The following CGN variants were observed in gnomAD, a reference collection of about 807,000 sequenced individuals.
CGN encodes cingulin.
Under a neutral mutation model 157.1 loss-of-function variants are expected in CGN, and 121 were observed. The ratio of observed to expected loss-of-function variants is 0.77; its 90% CI spans 0.66 to 0.90. The LOEUF (loss-of-function observed/expected upper bound fraction) is 0.90, where lower values mean the gene tolerates loss of function less well. CGN is among the 40% of genes least tolerant of loss of function. CGN has a pLI of 0.00. For synonymous variants in CGN, 535 were observed against 607.5 expected, an observed-to-expected ratio of 0.88 and a Z score of 1.76; for missense variants, 1,424 against 1,520.9, an observed-to-expected ratio of 0.94 and a Z score of 1.06.
Position 151,524,318 on chromosome 1 carries a change from A to G in CGN, c.1361A>G (p.His454Arg). The G allele has an allele frequency of 3.7e-6, 6 of 1,614,140 alleles. No individual in the cohort carries two copies. Among genetic ancestry groups the G allele is most frequent in the South Asian group, 1.1e-5 (1 of 91,080 alleles). ...QVMELQNKLKHVQGPEPAKEV... is the reference protein window; with the variant it reads ...QVMELQNKLKRVQGPEPAKEV... ...ATGGAGCTGCAGAACAAGCTGAAAC[A>G]TGTCCAGGGTCCTGAGCCTGCTAAG... Residue 454 changes from histidine (H) to arginine (R), a missense_variant, in exon 7 of 21, where the codon CAT (histidine) becomes CGT (arginine). Physicochemically the swap from His to Arg is conservative, Grantham distance 29. This residue lies in a region of CGN where 1,187 missense variants were observed against 1,217.6 expected (regional missense o/e 0.97). Coordinates refer to ENST00000271636, the MANE Select transcript of CGN (RefSeq NM_020770.3). The surrounding 1 kb of genome is among the most constrained non-coding windows in gnomAD (Gnocchi z 4.4).
intron 15 of CGN, 110 bp from the exon 16 acceptor site, chr1:151,534,932 T>C: frequency 4.0e-6 from 3 of 743,458 alleles, no homozygotes; most frequent in Non-Finnish European, 7.0e-6. Flanking sequence ...GTTACTGGGA[T>C]GTGCAAGAGA....
intron 1 of CGN, among the ~76,000 whole-genome samples, chr1:151,514,605 A>T (rs560799706): frequency 1.1e-3 from 172 of 152,242 alleles, no homozygotes; most frequent in African/African-American, 3.9e-3. Context: ...CTGGGGACAC[A>T]GTGGTTAGCT....
At chr1:151,528,553 A>G (rs886467481) in intron 10 of CGN, among the ~76,000 whole-genome samples, 2 of 151,752 alleles carry the variant, frequency 1.3e-5, no homozygotes, top group Non-Finnish European at 2.9e-5. Flanking sequence ...AGCAGCTGGG[A>G]TTACAGGCAC....
intron 18 of CGN, 75 bp from the exon 19 acceptor site, chr1:151,536,162 G>T: frequency 1.1e-6 from 1 of 944,406 alleles, no homozygotes; most frequent in South Asian, 1.3e-5. Flanking sequence ...AGGAGTCCTT[G>T]GGGACAGTAG....
rs578187038 is a variant in CGN, at chr1:151,535,370, T to C, written c.2995-230T>C. 2.6e-5 allele frequency among the ~76,000 whole-genome samples: 4 copies of C among 152,246 alleles called. No individual in the cohort carries two copies. The South Asian group carries it at 8.3e-4, about 32-fold the overall frequency. On this transcript the variant is annotated intron_variant, in intron 16 of 20. Coordinates refer to ENST00000271636, the MANE Select transcript of CGN (RefSeq NM_020770.3). ...GGCCTGGGCTGTTCTCTGACCTGAA[T>C]TGGGGCTTCTTTGGTTTACAAGGGA...
At position 151,537,308 on chromosome 1, in the gene CGN, C is replaced by G. The variant is rs1197788148; in HGVS notation, c.3574C>G (p.Leu1192Val). 3.1e-6 allele frequency: 5 copies of G among 1,614,122 alleles called. No individual in the cohort carries two copies. The East Asian group carries it at 1.1e-4, about 36-fold the overall frequency. ...CTACGATCCCTCGTCCATTGCATCA[C>G]TGCTTACGGAGAGCAACCTACAGAC... ...SVYDPSSIAS[L>V]LTESNLQTSS... Residue 1192 changes from leucine (L) to valine (V), a missense_variant, in exon 21 of 21, where the codon CTG becomes GTG. Leu to Val is a conservative substitution (Grantham distance 32, BLOSUM62 1). This residue lies in a region of CGN where 38 missense variants were observed against 31.1 expected (regional missense o/e 1.22). Coordinates refer to ENST00000271636, the MANE Select transcript of CGN (RefSeq NM_020770.3).
At chr1:151,513,844 G>C (rs72997938) in intron 1 of CGN, among the ~76,000 whole-genome samples, 93 of 152,330 alleles carry the variant, frequency 6.1e-4, no homozygotes, top group African/African-American at 2.2e-3. Flanking sequence ...AGATGCACCT[G>C]AATCAACTTG....
intron 10 of CGN, 43 bp from the exon 11 acceptor site, chr1:151,529,307 G>A (rs1664772360): frequency 1.3e-6 from 2 of 1,545,624 alleles, no homozygotes; most frequent in East Asian, 2.3e-5. Flanking sequence ...AGGTATCTTA[G>A]TCTGGCTCTG....
Position 151,520,669 on chromosome 1 carries a change from G to T in CGN, c.1118G>T (p.Arg373Leu), listed in dbSNP as rs149813081. ...ELTRKVEELQ[R>L]KLDEEVKKRQ... ...ACCCGAAAAGTGGAGGAGCTACAGC[G>T]AAAGCTGGATGAAGAGGTGAAGGTA... The change falls in exon 5 of 21, where the codon CGA (arginine) becomes CTA (leucine). Residue 373 changes from arginine to leucine, a missense_variant. Physicochemically the swap from Arg to Leu is moderately radical, Grantham distance 102. Transcript: ENST00000271636. 3 of 1,613,862 alleles carry T rather than the reference G, an allele frequency of 1.9e-6. No individual in the cohort carries two copies. The highest frequency in any genetic ancestry group is 1.7e-5 in the Admixed American group (1 of 59,956).
At chr1:151,517,404 C>G (rs1278548967) in intron 1 of CGN, among the ~76,000 whole-genome samples, 1 of 151,946 alleles carries the variant, frequency 6.6e-6, no homozygotes, top group Non-Finnish European at 1.5e-5. Context: ...TAAATGAGCT[C>G]TGGGAGAGAA....
In CGN at chr1:151,532,919, C is replaced by T. The variant is rs116986224; in HGVS notation, c.2742+347C>T. On this transcript the variant is annotated intron_variant, in intron 14 of 20. Transcript: ENST00000271636. ...CAGGCATGAGCCACTGCGCCCAGCC[C>T]GGTCCTTGCCTCTTAACTGAACCTG... Among the ~76,000 whole-genome samples, 52 of 152,116 alleles carry T rather than the reference C, an allele frequency of 3.4e-4. 1 individual carries two copies. The East Asian group carries it at 8.5e-3, about 25-fold the overall frequency.
intron 9 of CGN, among the ~76,000 whole-genome samples, chr1:151,526,455 G>A (rs183191570): frequency 1.6e-3 from 248 of 151,246 alleles, no homozygotes; most frequent in Non-Finnish European, 3.1e-3. Flanking sequence ...GATTACAGGC[G>A]TGAGCCACTG....
Position 151,527,018 on chromosome 1 carries a change from C to T in CGN, c.1807C>T (p.Leu603Phe). ...RMEKEEMEEE[L>F]GEKIEVLQRE... is the part of the protein sequence containing the mutation. ...GGAGAAGGAGGAGATGGAAGAGGAG[C>T]TTGGAGAGAAGATAGAGGTCTTGCA... The change falls in exon 10 of 21, where the codon CTT (leucine) becomes TTT (phenylalanine). Residue 603 changes from leucine to phenylalanine, a missense_variant. By Grantham distance (22) the Leu-to-Phe change is conservative (BLOSUM62 0). Transcript: ENST00000271636. The T allele has an allele frequency of 6.2e-7, 1 of 1,614,116 alleles. No individual in the cohort carries two copies. Among genetic ancestry groups the T allele is most frequent in the Non-Finnish European group, 8.5e-7 (1 of 1,180,016 alleles).
Position 151,529,886 on chromosome 1 carries a change from GCCA to G in CGN, c.2107-20_2107-18del, listed in dbSNP as rs754783136. On this transcript the variant is annotated intron_variant, in intron 11 of 20. Transcript: ENST00000271636. ...GCTGCCACGCCCTGGGGTCTGAGCTGCCACCCCCTGAACCGTCCTTAGGCTAAG... is the reference window on the plus strand; with the variant it reads ...GCTGCCACGCCCTGGGGTCTGAGCTGCCCCCTGAACCGTCCTTAGGCTAAG... 6.2e-7 allele frequency: 1 copy of G among 1,603,506 alleles called. No individual in the cohort carries two copies. The highest frequency in any genetic ancestry group is 2.2e-5 in the East Asian group (1 of 44,658).
chr1:151,534,336 G>C, intron 15 of CGN, 200 bp downstream of exon 15: 1 of 592,658 alleles, frequency 1.7e-6, no homozygotes, highest in Admixed American at 3.3e-5. Context: ...TTTTGTATTT[G>C]GCAGATATGG....
At chr1:151,514,212 C>T (rs1664359975) in intron 1 of CGN, among the ~76,000 whole-genome samples, 1 of 81,652 alleles carries the variant, frequency 1.2e-5, no homozygotes, top group Non-Finnish European at 4.6e-5. Flanking sequence ...GTTAACCTAA[C>T]CTGGGACCTG....
At position 151,529,942 on chromosome 1, in the gene CGN, C is replaced by A; in HGVS notation, c.2140C>A (p.Leu714Met). ...GGTGGCCGAGGCAGAGGCAACAGTG[C>A]TGGGGCAGCGGCGGGCCGCAGTGGA... The part of the protein sequence containing the change: ...KMVAEAEATV[L>M]GQRRAAVETT... Residue 714 changes from leucine to methionine, a missense_variant, in exon 12 of 21, where the codon CTG (leucine) becomes ATG (methionine). By Grantham distance (15) the Leu-to-Met change is conservative. Coordinates refer to ENST00000271636, the MANE Select transcript of CGN (RefSeq NM_020770.3). The A allele has an allele frequency of 6.2e-7, 1 of 1,614,112 alleles. No individual in the cohort carries two copies. Among genetic ancestry groups the A allele is most frequent in the Non-Finnish European group, 8.5e-7 (1 of 1,179,994 alleles).
rs1367975667 is a variant in CGN at position 151,520,618 on chromosome 1, A to G, written c.1067A>G (p.Lys356Arg). ...CAGATGGTTTCTTCTGGTTCTACTA[A>G]GGCCGTGGCAGGGCAGGGTGAGCTT... ...PLVMVSSGSTKAVAGQGELTR... is the reference protein window; with the variant it reads ...PLVMVSSGSTRAVAGQGELTR... The change falls in exon 5 of 21, where the codon AAG becomes AGG. Residue 356 changes from lysine (K) to arginine (R), a missense_variant. Transcript: ENST00000271636. 3.1e-6 allele frequency: 5 copies of G among 1,614,180 alleles called. No homozygotes were observed. Among genetic ancestry groups the G allele is most frequent in the Middle Eastern group, 1.6e-4 (1 of 6,062 alleles).
At chr1:151,523,251 T>C (rs1235600981) in intron 5 of CGN, among the ~76,000 whole-genome samples, 183 bp from the exon 6 acceptor site, 1 of 152,242 alleles carries the variant, frequency 6.6e-6, no homozygotes, top group African/African-American at 2.4e-5. Context: ...GAACATATTT[T>C]ACATCATCAC....
Sources: allele counts gnomAD v4.1 joint callset (sites outside exome capture counted in the v4.1 genomes callset), GRCh38; gene constraint gnomAD v4.1.1; regional missense constraint gnomAD v4.1.1; non-coding constraint Gnocchi (gnomAD v3.1); transcripts MANE v1.5; gene names NCBI Gene and HGNC (gene_info 2026-07-23, HGNC 2026-07-21).